Variants in FSTL5 observed in about 807,000 individuals in gnomAD.
FSTL5 encodes follistatin like 5.
FSTL5 carries 62 observed loss-of-function variants against 89.1 expected under a neutral mutation model. The observed-to-expected ratio is 0.70, with a 90% CI of 0.57 to 0.86. FSTL5 has a LOEUF of 0.86. Ranked by LOEUF, FSTL5 falls within the 40% of genes least tolerant of loss-of-function variation. The probability of loss-of-function intolerance (pLI) is 0.00; values close to 1 mark genes in which losing one functional copy is unlikely to be tolerated. For missense variants in FSTL5, 1,057 were observed against 1,001.6 expected (o/e 1.06, Z -0.75); for synonymous variants, 383 against 346.2 (o/e 1.11, Z -1.18).
intron 2 of FSTL5, among the ~76,000 whole-genome samples, chr4:162,037,057 C>T (rs1188682345): frequency 6.6e-6 from 1 of 151,706 alleles, no homozygotes; most frequent in Non-Finnish European, 1.5e-5. Context: ...TGTAATATTA[C>T]ATTATTATTT....
chr4:161,679,809 C>T (rs1006837023), intron 6 of FSTL5, among the ~76,000 whole-genome samples: 7 of 151,718 alleles, frequency 4.6e-5, no homozygotes, highest in Non-Finnish European at 1.0e-4. Flanking sequence ...ACTCTTCTCA[C>T]GTGTGTAATC....
chr4:161,553,463 A>T (rs1283051878), intron 8 of FSTL5, among the ~76,000 whole-genome samples: 1 of 151,456 alleles, frequency 6.6e-6, no homozygotes, highest in East Asian at 1.9e-4. Context: ...AGATAATAAT[A>T]TATAGCTATT....
chr4:161,581,409 G>A (rs1347354526), intron 8 of FSTL5, among the ~76,000 whole-genome samples: 1 of 152,186 alleles, frequency 6.6e-6, no homozygotes, highest in East Asian at 1.9e-4. Context: ...TTCCTGCTTT[G>A]TAGATCTCAC....
intron 3 of FSTL5, among the ~76,000 whole-genome samples, chr4:161,927,191 A>G (rs1413976994): frequency 1.3e-5 from 2 of 151,704 alleles, no homozygotes; most frequent in African/African-American, 4.8e-5. Flanking sequence ...CATAAATAAA[A>G]ATAGTATTTT....
At chr4:161,405,219 G>C (rs908193187) in intron 15 of FSTL5, among the ~76,000 whole-genome samples, 2 of 150,106 alleles carry the variant, frequency 1.3e-5, no homozygotes, top group African/African-American at 4.9e-5. Context: ...GACAACAAGA[G>C]TGAAACTTTG....
chr4:161,920,974 T>G (rs1482645662), intron 3 of FSTL5, among the ~76,000 whole-genome samples: 3 of 152,164 alleles, frequency 2.0e-5, no homozygotes, highest in Non-Finnish European at 4.4e-5. Context: ...TTACTAGCTT[T>G]ATGTTTTGGA....
At chr4:161,400,799 A>G (rs1224545880) in intron 15 of FSTL5, among the ~76,000 whole-genome samples, 1 of 152,158 alleles carries the variant, frequency 6.6e-6, no homozygotes, top group Non-Finnish European at 1.5e-5. Flanking sequence ...AGCAGTGTAC[A>G]TGAGAAAACA....
rs545365583 is a variant in FSTL5 at position 161,617,113 on chromosome 4, C to T, written c.895-29538G>A. On this transcript the variant is annotated intron_variant, in intron 7 of 15. Transcript: ENST00000306100. The stretch of plus-strand genomic sequence containing the variant: ...TTAAAGGAAATATAGTCATAAAGAA[C>T]AGATGGATGATTCAGCTGAAAAATA... 8.2e-4 allele frequency among the ~76,000 whole-genome samples: 124 copies of T among 151,598 alleles called. 3 individuals carry two copies. The South Asian group carries it at 0.025, about 30-fold the overall frequency.
At chr4:161,487,289 C>G (rs1729712930) in intron 12 of FSTL5, among the ~76,000 whole-genome samples, 1 of 152,104 alleles carries the variant, frequency 6.6e-6, no homozygotes, top group Non-Finnish European at 1.5e-5. Context: ...GTTACTCAAT[C>G]ACGATGTTAA....
At chr4:161,949,361 C>T (rs972027208) in intron 3 of FSTL5, among the ~76,000 whole-genome samples, 1 of 152,086 alleles carries the variant, frequency 6.6e-6, no homozygotes, top group South Asian at 2.1e-4. Context: ...CTTTGGGGAG[C>T]TACTATTAAG....
chr4:161,921,518 T>C (rs1027831404), intron 3 of FSTL5, among the ~76,000 whole-genome samples: 1 of 152,130 alleles, frequency 6.6e-6, no homozygotes, highest in Admixed American at 6.6e-5. Flanking sequence ...TACACATAGA[T>C]ATGTATACAC....
At chr4:161,977,636 A>ATAATAATCAT in intron 3 of FSTL5, among the ~76,000 whole-genome samples, 1 of 106,228 alleles carries the variant, frequency 9.4e-6, no homozygotes, top group East Asian at 2.8e-4. Flanking sequence ...AAAAAAAAAA[A>ATAATAATCAT]AAAAATAATA....
intron 4 of FSTL5, among the ~76,000 whole-genome samples, chr4:161,875,435 T>C (rs1732411574): frequency 1.3e-5 from 2 of 152,256 alleles, no homozygotes; most frequent in South Asian, 4.1e-4. Context: ...GTAACTTCTC[T>C]TCATCTTCCG....
chr4:161,744,384 A>T (rs1318815757), intron 6 of FSTL5, among the ~76,000 whole-genome samples: 1 of 152,168 alleles, frequency 6.6e-6, no homozygotes, highest in East Asian at 1.9e-4. Context: ...CATTGTTATG[A>T]TGTTGAATTA....
chr4:162,134,724 G>T (rs1732461625), intron 1 of FSTL5, among the ~76,000 whole-genome samples: 1 of 152,158 alleles, frequency 6.6e-6, no homozygotes, highest in Admixed American at 6.5e-5. Context: ...TGTTTTAATA[G>T]AATGGAATCA....
intron 6 of FSTL5, among the ~76,000 whole-genome samples, chr4:161,746,415 C>A (rs1740205829): frequency 6.6e-6 from 1 of 152,108 alleles, no homozygotes; most frequent in Non-Finnish European, 1.5e-5. Flanking sequence ...TAGAGAATTG[C>A]AGCCTGAGTT....
chr4:161,549,203 A>T (rs544764807), intron 8 of FSTL5, among the ~76,000 whole-genome samples: 1 of 151,978 alleles, frequency 6.6e-6, no homozygotes, highest in South Asian at 2.1e-4. Flanking sequence ...GCTGCTTAAT[A>T]GTGCTGTGAT....
At chr4:161,986,719 C>T (rs1258609015) in intron 3 of FSTL5, among the ~76,000 whole-genome samples, 1 of 152,056 alleles carries the variant, frequency 6.6e-6, no homozygotes, top group Non-Finnish European at 1.5e-5. Context: ...TGTGAATTAA[C>T]AGCTTTCTGA....
chr4:161,955,663 T>C lies in FSTL5; in HGVS notation c.161-35011A>G, dbSNP rs1190316365. On this transcript the variant is annotated intron_variant, in intron 3 of 15. Transcript: ENST00000306100. ...CAAAATGTAATAGTAGTATGATACA[T>C]GACTAGCAGCCTAGTTAAAAAGTAT... is the stretch of plus-strand genomic sequence containing the variant. Among the ~76,000 whole-genome samples, 5 of 151,592 alleles carry C rather than the reference T, an allele frequency of 3.3e-5. No individual in the cohort carries two copies. The South Asian group carries it at 6.2e-4, about 19-fold the overall frequency.
Sources: allele counts gnomAD v4.1 joint callset (sites outside exome capture counted in the v4.1 genomes callset), GRCh38; gene constraint gnomAD v4.1.1; transcripts MANE v1.5; gene names NCBI Gene and HGNC (gene_info 2026-07-23, HGNC 2026-07-21).